The following PRKD1 variants were observed in gnomAD, a reference collection of about 807,000 sequenced individuals.
PRKD1 encodes the protein protein kinase D1, also known as serine/threonine-protein kinase D1.
Under a neutral mutation model 95.9 loss-of-function variants are expected in PRKD1, and 63 were observed. The observed-to-expected ratio is 0.66, with a 90% CI of 0.54 to 0.81. The LOEUF is 0.81. Among genes scored for constraint, PRKD1 ranks in the 30% least tolerant of loss-of-function variants. PRKD1 has a pLI of 0.00. For synonymous variants in PRKD1, 425 were observed against 423.1 expected (o/e 1.00, Z -0.05); for missense variants, 1,048 against 1,165.3 (o/e 0.90, Z 1.47).
chr14:29,881,458 G>A (rs753045987), intron 1 of PRKD1, among the ~76,000 whole-genome samples: 62 of 151,882 alleles, frequency 4.1e-4, no homozygotes, highest in Non-Finnish European at 7.5e-4. Context: ...TATCAGCAGC[G>A]TGAAAATGGA....
At chr14:29,845,730 G>A (rs146241067) in intron 1 of PRKD1, among the ~76,000 whole-genome samples, 66 of 152,236 alleles carry the variant, frequency 4.3e-4, no homozygotes, top group African/African-American at 1.4e-3. Context: ...CTAAGAATAC[G>A]TTAATGTTCA....
At chr14:29,902,893 A>C (rs887948916) in intron 1 of PRKD1, among the ~76,000 whole-genome samples, 1 of 152,238 alleles carries the variant, frequency 6.6e-6, no homozygotes, top group African/African-American at 2.4e-5. Flanking sequence ...CGACTGTTAG[A>C]ATTTTCGAGA....
chr14:29,661,848 G>T lies in PRKD1; in HGVS notation c.696+1851C>A, dbSNP rs925829195. ...ATATTTTCTCACTTAATAAATATCT[G>T]ATTTGATCATAATTTTACAAGCATT... On this transcript the variant is annotated intron_variant, in intron 4 of 17. Coordinates refer to ENST00000331968, the MANE Select transcript of PRKD1 (RefSeq NM_002742.3). Among the ~76,000 whole-genome samples, 82 of 152,064 alleles carry T rather than the reference G, an allele frequency of 5.4e-4. 2 individuals are homozygous for T. The highest frequency in any genetic ancestry group is 5.4e-3 in the Admixed American group (82 of 15,266).
At chr14:29,744,452 A>G (rs944905883) in intron 1 of PRKD1, among the ~76,000 whole-genome samples, 3 of 151,794 alleles carry the variant, frequency 2.0e-5, no homozygotes, top group African/African-American at 4.8e-5. Context: ...CCAAGCCACA[A>G]CCTCTCCAAA....
At chr14:29,689,648 A>T (rs1171908312) in intron 2 of PRKD1, among the ~76,000 whole-genome samples, 1 of 152,222 alleles carries the variant, frequency 6.6e-6, no homozygotes, top group African/African-American at 2.4e-5. Context: ...AATATAAATC[A>T]TTCTACTATA....
chr14:29,876,634 CAA>C (rs540460669), intron 1 of PRKD1, among the ~76,000 whole-genome samples: 1 of 128,388 alleles, frequency 7.8e-6, no homozygotes, highest in Admixed American at 7.8e-5. Context: ...AATGGGCTTG[CAA>C]AAAAAAAAGC....
At chr14:29,626,432 T>C in intron 12 of PRKD1, 52 bp downstream of exon 12, 2 of 1,435,318 alleles carry the variant, frequency 1.4e-6, no homozygotes, top group Non-Finnish European at 2.0e-6. Flanking sequence ...CTTTTTAAAA[T>C]ATAACTAGCA....
chr14:29,833,152 A>T (rs773660224), intron 1 of PRKD1, among the ~76,000 whole-genome samples: 7 of 152,152 alleles, frequency 4.6e-5, no homozygotes, highest in Non-Finnish European at 7.4e-5. Context: ...GTTAGGGTAA[A>T]AAACAATCTA....
chr14:29,879,839 T>G (rs1893438333), intron 1 of PRKD1, among the ~76,000 whole-genome samples: 1 of 152,180 alleles, frequency 6.6e-6, no homozygotes, highest in Admixed American at 6.5e-5. Flanking sequence ...GCAAAGACAC[T>G]GGCAGCATTT....
At chr14:29,597,800 G>A (rs1349985830) in intron 15 of PRKD1, 42 bp from the exon 16 acceptor site, 3 of 1,550,404 alleles carry the variant, frequency 1.9e-6, no homozygotes, top group Admixed American at 1.9e-5. Flanking sequence ...GTTCACAATT[G>A]TGTGTCTGTG....
intron 1 of PRKD1, among the ~76,000 whole-genome samples, chr14:29,893,164 A>C (rs1893998187): frequency 6.6e-6 from 1 of 152,182 alleles, no homozygotes; most frequent in South Asian, 2.1e-4. Context: ...CTGACAGATT[A>C]GTATATTTTC....
chr14:29,753,405 A>C (rs945411984), intron 1 of PRKD1, among the ~76,000 whole-genome samples: 5 of 152,128 alleles, frequency 3.3e-5, no homozygotes, highest in Admixed American at 3.3e-4. Context: ...CTAGGTAAGA[A>C]GTCAACATCA....
chr14:29,707,642 A>G (rs1041079983), intron 2 of PRKD1, among the ~76,000 whole-genome samples: 1 of 152,160 alleles, frequency 6.6e-6, no homozygotes, highest in African/African-American at 2.4e-5. Context: ...CCCTGATGCA[A>G]CCAAAGAACT....
intron 2 of PRKD1, among the ~76,000 whole-genome samples, chr14:29,683,131 A>G: frequency 6.6e-6 from 1 of 152,190 alleles, no homozygotes; most frequent in Non-Finnish European, 1.5e-5. Flanking sequence ...GAGAGGAAGG[A>G]TTGCAGAGAA....
intron 1 of PRKD1, among the ~76,000 whole-genome samples, chr14:29,755,141 C>G (rs1887639680): frequency 6.6e-6 from 1 of 152,060 alleles, no homozygotes; most frequent in Non-Finnish European, 1.5e-5. Flanking sequence ...CCTTGCTTAA[C>G]TCTTCATAGC....
At chr14:29,624,409 T>C (rs988223700) in intron 12 of PRKD1, 151 bp from the exon 13 acceptor site, 4 of 420,774 alleles carry the variant, frequency 9.5e-6, no homozygotes, top group Non-Finnish European at 1.6e-5. Context: ...CATATATATA[T>C]ATAAAGATTT....
chr14:29,836,397 GAAA>G (rs1405105151), intron 1 of PRKD1, among the ~76,000 whole-genome samples: 2 of 152,304 alleles, frequency 1.3e-5, no homozygotes, highest in Non-Finnish European at 2.9e-5. Context: ...GTTAAGGGCT[GAAA>G]GAGTGGTCAG....
intron 4 of PRKD1, 105 bp downstream of exon 4, chr14:29,663,594 G>C: frequency 7.8e-7 from 1 of 1,285,140 alleles, no homozygotes; most frequent in Non-Finnish European, 1.1e-6. Flanking sequence ...TTAACACCCT[G>C]GCTGCATTCT....
At chr14:29,906,799 AAAAC>A (rs977819232) in intron 1 of PRKD1, among the ~76,000 whole-genome samples, 1 of 152,208 alleles carries the variant, frequency 6.6e-6, no homozygotes, top group Non-Finnish European at 1.5e-5. Flanking sequence ...CAGGGAAGAA[AAAAC>A]AAACAATGAC....
Sources: allele counts gnomAD v4.1 joint callset (sites outside exome capture counted in the v4.1 genomes callset), GRCh38; gene constraint gnomAD v4.1.1; transcripts MANE v1.5; gene names NCBI Gene and HGNC (gene_info 2026-07-23, HGNC 2026-07-21).